Variants in METTL15 observed in about 807,000 individuals in gnomAD.
METTL15 encodes methyltransferase 15, mitochondrial 12S rRNA N4-cytidine.
A neutral mutation model predicts 38.3 loss-of-function variants in METTL15; 34 were observed. That is an observed-to-expected ratio of 0.89 (90% CI 0.68 to 1.18). The LOEUF is 1.18. Among genes scored for constraint, METTL15 ranks in the 50% most tolerant of loss-of-function variants. METTL15 has a pLI of 0.00. For missense variants in METTL15, 438 were observed against 498.4 expected, an observed-to-expected ratio of 0.88 and a Z score of 1.15; for synonymous variants, 162 against 170.9, an observed-to-expected ratio of 0.95 and a Z score of 0.41.
At chr11:28,517,401 C>G (rs1851728537) in intron 6 of METTL15, 1 of 151,638 alleles carries the variant, frequency 6.6e-6, no homozygotes, top group African/African-American at 2.4e-5. Flanking sequence ...TTGTTACTTT[C>G]AAACATATTT....
At chr11:28,447,690 C>T (rs764060791) in intron 6 of METTL15, among the ~76,000 whole-genome samples, 3 of 151,998 alleles carry the variant, frequency 2.0e-5, no homozygotes, top group Non-Finnish European at 4.4e-5. Context: ...CAAATCAGTT[C>T]TTCTTGATGC....
chr11:28,138,025 C>T (rs1849572500), intron 3 of METTL15, among the ~76,000 whole-genome samples: 1 of 151,976 alleles, frequency 6.6e-6, no homozygotes, highest in Admixed American at 6.6e-5. Context: ...TTTCTAGGGA[C>T]CAGTAAACAG....
At chr11:28,434,166 C>T (rs932910008) in intron 6 of METTL15, among the ~76,000 whole-genome samples, 3 of 152,108 alleles carry the variant, frequency 2.0e-5, no homozygotes, top group African/African-American at 7.2e-5. Flanking sequence ...TTAGTTCTCA[C>T]GAGATCTGGT....
chr11:28,330,360 G>A (rs562027928), intron 6 of METTL15, 36 bp from the exon 7 acceptor site: 57 of 1,456,396 alleles, frequency 3.9e-5, no homozygotes, highest in Middle Eastern at 3.5e-4. Flanking sequence ...TAATGTTACC[G>A]GTCTTCTTTT....
intron 4 of METTL15, among the ~76,000 whole-genome samples, chr11:28,223,593 G>A (rs1853343220): frequency 6.6e-6 from 1 of 152,052 alleles, no homozygotes; most frequent in African/African-American, 2.4e-5. Context: ...TTATTTTGCT[G>A]TTATTCTAAA....
At chr11:28,440,041 G>A (rs80296984) in intron 6 of METTL15, among the ~76,000 whole-genome samples, 1 of 152,098 alleles carries the variant, frequency 6.6e-6, no homozygotes, top group Admixed American at 6.5e-5. Flanking sequence ...AGCTACCCAG[G>A]CTAAGACCCT....
At chr11:28,396,290 G>C (rs1259797363) in intron 5 of METTL15, among the ~76,000 whole-genome samples, 1 of 152,132 alleles carries the variant, frequency 6.6e-6, no homozygotes, top group Admixed American at 6.6e-5. Flanking sequence ...ATTAGGAAAA[G>C]AGGAAGTCAA....
At chr11:28,462,172 G>A (rs762838040) in intron 6 of METTL15, among the ~76,000 whole-genome samples, 9 of 152,068 alleles carry the variant, frequency 5.9e-5, no homozygotes, top group Non-Finnish European at 1.2e-4. Context: ...AGGGCTTGAC[G>A]TAGAAATACT....
intron 3 of METTL15, among the ~76,000 whole-genome samples, chr11:28,190,910 CAT>C (rs990052817): frequency 7.3e-5 from 11 of 151,398 alleles, no homozygotes; most frequent in East Asian, 3.9e-4. Flanking sequence ...ACCAAAGTAA[CAT>C]GTGTAAACTG....
chr11:28,413,283 T>A (rs995361038), intron 5 of METTL15, among the ~76,000 whole-genome samples: 1 of 152,112 alleles, frequency 6.6e-6, no homozygotes, highest in African/African-American at 2.4e-5. Context: ...CCTCATTTAA[T>A]TTTAGCTTCC....
chr11:28,491,891 A>G (rs1431854813), intron 6 of METTL15, among the ~76,000 whole-genome samples: 1 of 152,110 alleles, frequency 6.6e-6, no homozygotes, highest in East Asian at 1.9e-4. Context: ...AAACTCCCTG[A>G]ACTCCCTTTC....
chr11:28,254,322 C>T (rs866019240), intron 4 of METTL15, among the ~76,000 whole-genome samples: 2 of 151,996 alleles, frequency 1.3e-5, no homozygotes, highest in East Asian at 1.9e-4. Flanking sequence ...CTTTTTATAT[C>T]GGATTATTAG....
intron 5 of METTL15, among the ~76,000 whole-genome samples, chr11:28,387,435 A>G (rs72878366): frequency 0.02 from 3,031 of 152,066 alleles, 57 homozygotes; most frequent in Non-Finnish European, 0.029. Flanking sequence ...TAAAAACTGG[A>G]TAACCTAGAA....
chr11:28,421,154 GA>G (rs1850816872), intron 5 of METTL15, among the ~76,000 whole-genome samples: 2 of 151,890 alleles, frequency 1.3e-5, no homozygotes, highest in South Asian at 4.1e-4. Flanking sequence ...TACCAAGATT[GA>G]ACCATGAAGA....
chr11:28,369,427 A>T (rs7129227), intron 5 of METTL15, among the ~76,000 whole-genome samples: 8,337 of 152,110 alleles, frequency 0.055, 401 homozygotes, highest in African/African-American at 0.13. Context: ...ATATATATAT[A>T]TACATCCAAA....
intron 5 of METTL15, among the ~76,000 whole-genome samples, chr11:28,363,450 A>G (rs34594737): frequency 0.18 from 27,039 of 152,076 alleles, 2,631 homozygotes; most frequent in Non-Finnish European, 0.22. Flanking sequence ...GGGATTACAG[A>G]CATGAGCCAC....
At chr11:28,316,614 C>G (rs1857489203) in intron 6 of METTL15, among the ~76,000 whole-genome samples, 1 of 152,098 alleles carries the variant, frequency 6.6e-6, no homozygotes, top group African/African-American at 2.4e-5. Flanking sequence ...TGGGAGGGGC[C>G]AGGGTGGAAT....
chr11:28,143,769 T>TAG (rs10659735), intron 3 of METTL15, among the ~76,000 whole-genome samples: 42 of 152,310 alleles, frequency 2.8e-4, no homozygotes, highest in African/African-American at 1.0e-3. Context: ...ACCATGAGTC[T>TAG]AGATGAATTT....
At chr11:28,350,769 A>G (rs1850034155) in intron 3 of METTL15, among the ~76,000 whole-genome samples, 1 of 152,216 alleles carries the variant, frequency 6.6e-6, no homozygotes, top group Non-Finnish European at 1.5e-5. Flanking sequence ...TGAGCACTAT[A>G]AGACAAAAAT....
Sources: allele counts gnomAD v4.1 joint callset (sites outside exome capture counted in the v4.1 genomes callset), GRCh38; gene constraint gnomAD v4.1.1; transcripts MANE v1.5; gene names NCBI Gene and HGNC (gene_info 2026-07-23, HGNC 2026-07-21).